The following BARX2 variants were observed in gnomAD, a reference collection of about 807,000 sequenced individuals.
BARX2 encodes the protein BARX homeobox 2, also known as homeobox protein BarH-like 2.
Under a neutral mutation model 25.5 loss-of-function variants are expected in BARX2, and 11 were observed. The ratio of observed to expected loss-of-function variants is 0.43; its 90% CI spans 0.27 to 0.71. BARX2 has a LOEUF of 0.71. Ranked by LOEUF, BARX2 falls within the 30% of genes least tolerant of loss-of-function variation. The probability of loss-of-function intolerance (pLI) is 0.19; values close to 1 mark genes in which losing one functional copy is unlikely to be tolerated. For missense variants in BARX2, 360 were observed against 359.9 expected (o/e 1.00, Z 0.00); for synonymous variants, 137 against 149.5 (o/e 0.92, Z 0.61).
At chr11:129,446,677 C>T (rs1000858600) in intron 3 of BARX2, among the ~76,000 whole-genome samples, 1 of 152,168 alleles carries the variant, frequency 6.6e-6, no homozygotes, top group Non-Finnish European at 1.5e-5. Flanking sequence ...CTCCGCACAG[C>T]CCTGAGCATT....
chr11:129,417,690 G>C (rs1453258971), intron 1 of BARX2, among the ~76,000 whole-genome samples: 2 of 152,334 alleles, frequency 1.3e-5, no homozygotes, highest in East Asian at 3.9e-4. Context: ...TGGGAACTGG[G>C]TTCTCCGATG....
intron 1 of BARX2, among the ~76,000 whole-genome samples, chr11:129,379,160 A>G (rs547096923): frequency 1.3e-5 from 2 of 152,302 alleles, no homozygotes; most frequent in African/African-American, 2.4e-5. Context: ...AAATCATCCT[A>G]ATAGACACTG....
chr11:129,375,711 G>A (rs1483035366), upstream of BARX2, among the ~76,000 whole-genome samples: 5 of 152,012 alleles, frequency 3.3e-5, no homozygotes, highest in African/African-American at 1.2e-4. The surrounding 1 kb of genome is among the most constrained non-coding windows in gnomAD (Gnocchi z 4.0). Flanking sequence ...GCAGGTCGGC[G>A]CCGGAGTGGC....
chr11:129,385,443 A>G (rs544318180), intron 1 of BARX2, among the ~76,000 whole-genome samples: 20 of 152,354 alleles, frequency 1.3e-4, no homozygotes, highest in African/African-American at 4.8e-4. Context: ...TATCCATGCA[A>G]TGAAATTCTA....
chr11:129,446,379 GCT>G (rs1862329142), intron 3 of BARX2, among the ~76,000 whole-genome samples: 1 of 152,122 alleles, frequency 6.6e-6, no homozygotes, highest in East Asian at 1.9e-4. Context: ...GTTACCAGTA[GCT>G]CTCTGTGTAA....
At chr11:129,423,177 C>T (rs925821979) in intron 1 of BARX2, among the ~76,000 whole-genome samples, 5 of 148,694 alleles carry the variant, frequency 3.4e-5, no homozygotes, top group Admixed American at 6.7e-5. Flanking sequence ...AGTGTAATGG[C>T]GTGATCTCAG....
intron 1 of BARX2, among the ~76,000 whole-genome samples, chr11:129,415,291 C>A (rs980118385): frequency 6.6e-6 from 1 of 152,168 alleles, no homozygotes; most frequent in African/African-American, 2.4e-5. Context: ...TCTATGACTT[C>A]ATTGTATGGG....
chr11:129,422,775 C>T (rs1297224261), intron 1 of BARX2, among the ~76,000 whole-genome samples: 1 of 150,958 alleles, frequency 6.6e-6, no homozygotes, highest in East Asian at 1.9e-4. Context: ...ACCATCTCGG[C>T]TCACGGAAAC....
intron 1 of BARX2, among the ~76,000 whole-genome samples, chr11:129,425,480 A>G (rs11821873): frequency 0.34 from 51,595 of 151,996 alleles, 8,882 homozygotes; most frequent in Middle Eastern, 0.45. Flanking sequence ...GAAAGACCAC[A>G]CCATGTCCAT....
intron 1 of BARX2, among the ~76,000 whole-genome samples, chr11:129,428,805 C>T (rs974685367): frequency 2.0e-5 from 3 of 152,148 alleles, no homozygotes; most frequent in East Asian, 1.9e-4. Flanking sequence ...AATGGTGATC[C>T]TTTTAAGATC....
At chr11:129,388,579 T>C (rs370059885) in intron 1 of BARX2, among the ~76,000 whole-genome samples, 1 of 152,324 alleles carries the variant, frequency 6.6e-6, no homozygotes. Flanking sequence ...ACTTCGGATA[T>C]TTTTCATGGA....
chr11:129,436,916 G>A lies in BARX2; in HGVS notation c.353G>A (p.Ser118Asn), dbSNP rs1862197039. 3 of 1,613,980 alleles carry A rather than the reference G, an allele frequency of 1.9e-6. No individual in the cohort carries two copies. Among genetic ancestry groups the A allele is most frequent in the Non-Finnish European group, 2.5e-6 (3 of 1,179,922 alleles). ...GCCCCAGGGGGCGAGGCCCTAGCCA[G>A]CAGCGAGTCAGAGACGGAACAGCCC... Reference protein sequence around the residue: ...AEAPGGEALASSESETEQPTP... With the variant: ...AEAPGGEALANSESETEQPTP... Residue 118 changes from serine (S) to asparagine (N), a missense_variant, in exon 2 of 4, where the codon AGC (serine) becomes AAC (asparagine). Around this residue, in one of 3 missense-constraint regions of BARX2, gnomAD observed 240 missense variants for 228.7 expected, o/e 1.05. Transcript: ENST00000281437. The surrounding 1 kb of genome is among the most constrained non-coding windows in gnomAD (Gnocchi z 4.5).
At chr11:129,427,842 A>G (rs928889626) in intron 1 of BARX2, among the ~76,000 whole-genome samples, 5 of 152,218 alleles carry the variant, frequency 3.3e-5, no homozygotes, top group African/African-American at 1.2e-4. Flanking sequence ...TGGCCCAAGC[A>G]TGTTCACATG....
At chr11:129,446,988 T>C (rs1314901233) in intron 3 of BARX2, among the ~76,000 whole-genome samples, 1 of 152,112 alleles carries the variant, frequency 6.6e-6, no homozygotes, top group African/African-American at 2.4e-5. Context: ...GGAGGTTGGG[T>C]AATTGCAAAT....
intron 1 of BARX2, among the ~76,000 whole-genome samples, chr11:129,383,335 C>T (rs963693822): frequency 1.3e-5 from 2 of 152,152 alleles, no homozygotes; most frequent in Non-Finnish European, 2.9e-5. Context: ...AAAGTGGAAA[C>T]TTGGCACACG....
chr11:129,395,177 T>G (rs1043631441), intron 1 of BARX2, among the ~76,000 whole-genome samples: 2 of 152,224 alleles, frequency 1.3e-5, no homozygotes, highest in Non-Finnish European at 2.9e-5. Flanking sequence ...ACTAATCAAA[T>G]CCATAATGAC....
chr11:129,423,589 G>A (rs1005952239), intron 1 of BARX2, among the ~76,000 whole-genome samples: 3 of 152,060 alleles, frequency 2.0e-5, no homozygotes, highest in African/African-American at 7.2e-5. Flanking sequence ...CCTAAACCAG[G>A]GCTATAGTCC....
Position 129,400,346 on chromosome 11 carries a change from G to A in BARX2, c.187+24124G>A, listed in dbSNP as rs547762966. The stretch of plus-strand genomic sequence containing the variant: ...CACCATGGGACCATGAAGGAAGTGG[G>A]ACTTAGCCCAGTCTGTAGGGGAGGC... On this transcript the variant is annotated intron_variant, in intron 1 of 3. Coordinates refer to ENST00000281437, the MANE Select transcript of BARX2 (RefSeq NM_003658.5). Among the ~76,000 whole-genome samples, 25 of 152,296 alleles carry A rather than the reference G, an allele frequency of 1.6e-4. No individual in the cohort carries two copies. In the South Asian group the frequency reaches 5.0e-3, roughly 30 times the overall value.
intron 3 of BARX2, among the ~76,000 whole-genome samples, chr11:129,446,085 G>A (rs1019644308): frequency 3.3e-5 from 5 of 152,076 alleles, no homozygotes; most frequent in Admixed American, 6.5e-5. Flanking sequence ...AACCTATAGC[G>A]GGTTGGGTAA....
Sources: gnomAD v4.1 joint callset for allele counts (sites outside exome capture counted in the v4.1 genomes callset) on GRCh38, gnomAD v4.1.1 for gene constraint, gnomAD v4.1.1 regional missense constraint, Gnocchi (gnomAD v3.1) non-coding constraint, MANE v1.5 for transcripts, NCBI Gene and HGNC (gene_info 2026-07-23, HGNC 2026-07-21) for gene names.